The following FGGY variants were observed in gnomAD, a reference collection of about 807,000 sequenced individuals.
FGGY encodes the protein FGGY carbohydrate kinase domain-containing protein.
In FGGY, 72 loss-of-function variants were observed where a neutral mutation model predicts 71.3. The ratio of observed to expected loss-of-function variants is 1.01; its 90% CI spans 0.84 to 1.23. The LOEUF is 1.23. Among genes scored for constraint, FGGY ranks in the 50% most tolerant of loss-of-function variants. The pLI is 0.00. For synonymous variants in FGGY, 251 were observed against 250.3 expected (o/e 1.00, Z -0.02); for missense variants, 668 against 682.3 (o/e 0.98, Z 0.23).
At chr1:59,399,141 G>A (rs1192082522) in intron 5 of FGGY, among the ~76,000 whole-genome samples, 1 of 152,162 alleles carries the variant, frequency 6.6e-6, no homozygotes, top group Non-Finnish European at 1.5e-5. Context: ...TAGAGTTATT[G>A]TGATGATTGT....
intron 6 of FGGY, among the ~76,000 whole-genome samples, chr1:59,492,594 G>A (rs2093901544): frequency 6.6e-6 from 1 of 152,084 alleles, no homozygotes; most frequent in Admixed American, 6.6e-5. Context: ...TAGATATTAT[G>A]AAAACTTTCA....
At chr1:59,482,189 G>A (rs980856603) in intron 6 of FGGY, among the ~76,000 whole-genome samples, 3 of 152,126 alleles carry the variant, frequency 2.0e-5, no homozygotes, top group South Asian at 2.1e-4. Context: ...CCAAACAAAT[G>A]TGTTTGTCAA....
chr1:59,401,184 G>A (rs1315242550), intron 5 of FGGY, among the ~76,000 whole-genome samples: 3 of 151,826 alleles, frequency 2.0e-5, no homozygotes, highest in Non-Finnish European at 4.4e-5. Flanking sequence ...CTAATAATTG[G>A]CACATAATAA....
intron 14 of FGGY, among the ~76,000 whole-genome samples, chr1:59,711,950 A>G (rs1313601161): frequency 6.6e-6 from 1 of 152,094 alleles, no homozygotes; most frequent in Non-Finnish European, 1.5e-5. Context: ...ACAATCCCCC[A>G]AAGTCTGAAC....
At chr1:59,495,116 T>A (rs1007434745) in intron 6 of FGGY, among the ~76,000 whole-genome samples, 2 of 152,222 alleles carry the variant, frequency 1.3e-5, no homozygotes, top group African/African-American at 4.8e-5. Context: ...CTTTTTCATA[T>A]GTTTGTTGGT....
At chr1:59,432,007 G>C (rs1305302753) in intron 5 of FGGY, among the ~76,000 whole-genome samples, 2 of 152,166 alleles carry the variant, frequency 1.3e-5, no homozygotes, top group African/African-American at 4.8e-5. Flanking sequence ...GTGATGGATA[G>C]CAGCTCAGAA....
chr1:59,609,046 G>A (rs1230175259), intron 9 of FGGY, among the ~76,000 whole-genome samples: 2 of 152,200 alleles, frequency 1.3e-5, no homozygotes, highest in African/African-American at 2.4e-5. Flanking sequence ...TTACAGGGGA[G>A]AAGGCATTGG....
intron 7 of FGGY, among the ~76,000 whole-genome samples, chr1:59,534,374 C>T (rs1260812348): frequency 5.3e-5 from 8 of 152,198 alleles, no homozygotes; most frequent in South Asian, 2.1e-4. Flanking sequence ...CTGAAAGTGA[C>T]GGGGAGAATG....
In FGGY at chr1:59,321,391, C is replaced by G. The variant is rs139525833; in HGVS notation, c.-14-145C>G. 119 of 697,072 alleles carry G rather than the reference C, an allele frequency of 1.7e-4. No individual in the cohort carries two copies. The East Asian group carries it at 3.1e-3, about 18-fold the overall frequency. 43.2% of individuals were successfully genotyped at this position (697,072 alleles called of 1,614,324 possible). ...AATGTTTATTAGTATACTGTTATCACTAAAAATGTTTGTTGGATGAATAAA... is the reference window on the plus strand; with the variant it reads ...AATGTTTATTAGTATACTGTTATCAGTAAAAATGTTTGTTGGATGAATAAA... On this transcript the variant is annotated intron_variant, in intron 1 of 15. Transcript: ENST00000303721.
chr1:59,491,221 C>A (rs115658356), intron 6 of FGGY, among the ~76,000 whole-genome samples: 1 of 147,984 alleles, frequency 6.8e-6, no homozygotes, highest in African/African-American at 2.5e-5. Flanking sequence ...TTTTGTGGTT[C>A]CATACAAATT....
chr1:59,390,376 T>G (rs1332839712), intron 5 of FGGY, among the ~76,000 whole-genome samples: 5 of 152,202 alleles, frequency 3.3e-5, no homozygotes, highest in Admixed American at 2.0e-4. Flanking sequence ...GACACTAGCT[T>G]TTTTGATGTT....
chr1:59,525,920 G>T (rs1374117368), intron 7 of FGGY, among the ~76,000 whole-genome samples: 2 of 152,154 alleles, frequency 1.3e-5, no homozygotes, highest in Non-Finnish European at 2.9e-5. Flanking sequence ...ATTTATACAT[G>T]TATGTGTATT....
intron 5 of FGGY, among the ~76,000 whole-genome samples, chr1:59,433,487 AG>A (rs1269725145): frequency 2.0e-5 from 3 of 152,106 alleles, no homozygotes; most frequent in Non-Finnish European, 4.4e-5. Context: ...CAATGATCTC[AG>A]TGTGCCAGGC....
intron 8 of FGGY, among the ~76,000 whole-genome samples, chr1:59,591,819 C>G (rs1266962106): frequency 6.6e-6 from 1 of 152,154 alleles, no homozygotes; most frequent in African/African-American, 2.4e-5. Flanking sequence ...AACGTTCGAC[C>G]TAAAACCATA....
intron 14 of FGGY, chr1:59,755,211 G>A (rs2098279778): frequency 6.6e-6 from 1 of 151,992 alleles, no homozygotes; most frequent in East Asian, 1.9e-4. Flanking sequence ...GTTCACTTTG[G>A]TATCTTATAT....
At chr1:59,430,881 G>A (rs929778848) in intron 5 of FGGY, among the ~76,000 whole-genome samples, 1 of 152,122 alleles carries the variant, frequency 6.6e-6, no homozygotes, top group African/African-American at 2.4e-5. Context: ...AGCCCTACCT[G>A]CTGACCCATA....
rs184062396 is a variant in FGGY at position 59,742,337 on chromosome 1, C to A, written c.1513-15594C>A. 5.3e-3 allele frequency among the ~76,000 whole-genome samples: 810 copies of A among 152,328 alleles called. 25 individuals carry two copies. The highest frequency in any genetic ancestry group is 0.049 in the Admixed American group (749 of 15,298). On this transcript the variant is annotated intron_variant, in intron 14 of 15. Coordinates refer to ENST00000303721, the MANE Select transcript of FGGY (RefSeq NM_018291.5). ...TGCTGAGCCCAAAGGGCTTTTCAACCCCTACTCAGCTTTAGCCTTGGCAAC... is the reference window on the plus strand; with the variant it reads ...TGCTGAGCCCAAAGGGCTTTTCAACACCTACTCAGCTTTAGCCTTGGCAAC...
chr1:59,588,567 C>A (rs1387713805), intron 8 of FGGY, among the ~76,000 whole-genome samples: 1 of 152,270 alleles, frequency 6.6e-6, no homozygotes, highest in South Asian at 2.1e-4. Flanking sequence ...CAAAGGGAAG[C>A]CCATCAGACT....
chr1:59,605,270 T>C (rs2096613141), intron 8 of FGGY, among the ~76,000 whole-genome samples: 1 of 152,218 alleles, frequency 6.6e-6, no homozygotes, highest in East Asian at 1.9e-4. Context: ...TTAATATTTT[T>C]CTTAAGGTAG....
Sources: gnomAD v4.1 joint callset for allele counts (sites outside exome capture counted in the v4.1 genomes callset) on GRCh38, gnomAD v4.1.1 for gene constraint, MANE v1.5 for transcripts, NCBI Gene and HGNC (gene_info 2026-07-23, HGNC 2026-07-21) for gene names.